The following CCDC60 variants were observed in gnomAD, a reference collection of about 807,000 sequenced individuals.
CCDC60 encodes coiled-coil domain-containing protein 60.
A neutral mutation model predicts 63.5 loss-of-function variants in CCDC60; 54 were observed. The observed-to-expected ratio is 0.85, with a 90% CI of 0.68 to 1.07. CCDC60 has a LOEUF of 1.07. Among genes scored for constraint, CCDC60 ranks in the 50% least tolerant of loss-of-function variants. The probability of loss-of-function intolerance (pLI) is 0.00; values close to 1 mark genes in which losing one functional copy is unlikely to be tolerated. For missense variants in CCDC60, 651 were observed against 684.3 expected, an observed-to-expected ratio of 0.95 and a Z score of 0.54; for synonymous variants, 206 against 238.8, an observed-to-expected ratio of 0.86 and a Z score of 1.27.
intron 2 of CCDC60, among the ~76,000 whole-genome samples, chr12:119,452,483 C>G (rs1950652165): frequency 6.6e-6 from 1 of 152,152 alleles, no homozygotes; most frequent in South Asian, 2.1e-4. Flanking sequence ...AGACTGGGTA[C>G]CTTTGCATTG....
chr12:119,383,256 A>T (rs1956026651), intron 1 of CCDC60, among the ~76,000 whole-genome samples: 1 of 152,194 alleles, frequency 6.6e-6, no homozygotes, highest in Admixed American at 6.5e-5. Context: ...AAATAAAATT[A>T]AAAATATATT....
intron 1 of CCDC60, among the ~76,000 whole-genome samples, chr12:119,377,209 C>T (rs907807223): frequency 1.6e-5 from 2 of 127,780 alleles, no homozygotes; most frequent in African/African-American, 2.9e-5. Context: ...AAGCTGAGAT[C>T]GTGCAACTGC....
intron 2 of CCDC60, among the ~76,000 whole-genome samples, chr12:119,451,721 T>G (rs1255405479): frequency 6.6e-6 from 1 of 152,156 alleles, no homozygotes; most frequent in Middle Eastern, 3.2e-3. Context: ...ACACAGTCAG[T>G]GTCCAATAAA....
At chr12:119,431,558 C>A (rs1950228198) in intron 2 of CCDC60, among the ~76,000 whole-genome samples, 1 of 152,224 alleles carries the variant, frequency 6.6e-6, no homozygotes. Flanking sequence ...AATTTCTAAT[C>A]TTCTGGCTAG....
Position 119,420,125 on chromosome 12 carries a change from C to G in CCDC60, c.91-8558C>G, listed in dbSNP as rs1179156824. On this transcript the variant is annotated intron_variant, in intron 1 of 13. Transcript: ENST00000327554. The surrounding 1 kb of genome is among the most constrained non-coding windows in gnomAD (Gnocchi z 4.1). ...ACTCCTGACCTCGTGATCCACCCGC[C>G]TCGGCCTCCCAAAGTGCTGAGATTA... 6.6e-6 allele frequency among the ~76,000 whole-genome samples: 1 copy of G among 152,064 alleles called. No homozygotes were observed. The highest frequency in any genetic ancestry group is 1.5e-5 in the Non-Finnish European group (1 of 68,014).
At chr12:119,516,550 C>A in intron 7 of CCDC60, 73 bp from the exon 8 acceptor site, 1 of 1,030,218 alleles carries the variant, frequency 9.7e-7, no homozygotes. Context: ...GTTTGGGGGG[C>A]TGCACCCTGT....
rs780276005 is a variant in CCDC60, at chr12:119,530,858, C to G, written c.1362-16C>G. The G allele has an allele frequency of 6.2e-7, 1 of 1,608,198 alleles. No homozygotes were observed. Among genetic ancestry groups the G allele is most frequent in the Middle Eastern group, 1.7e-4 (1 of 6,024 alleles). ...CCAGCAGCTTCCTAACTTGTCCTCT[C>G]CTTTTGGAATTGAAGGTACTTTGAT... On this transcript the variant is annotated splice_polypyrimidine_tract_variant and intron_variant, in intron 12 of 13. Transcript: ENST00000327554.
At chr12:119,409,716 C>T (rs1004246638) in intron 1 of CCDC60, among the ~76,000 whole-genome samples, 17 of 152,116 alleles carry the variant, frequency 1.1e-4, no homozygotes, top group Non-Finnish European at 2.9e-5. Context: ...TCTTCTTGGT[C>T]CTCTGTGTTC....
intron 1 of CCDC60, among the ~76,000 whole-genome samples, chr12:119,423,637 A>C (rs1367611956): frequency 6.6e-6 from 1 of 152,228 alleles, no homozygotes; most frequent in East Asian, 1.9e-4. Flanking sequence ...GCCCTATTCC[A>C]GGGCTTCTGA....
intron 3 of CCDC60, among the ~76,000 whole-genome samples, chr12:119,473,201 G>A (rs544614102): frequency 5.3e-5 from 8 of 152,166 alleles, no homozygotes; most frequent in South Asian, 2.1e-4. Context: ...ACCATTTGGC[G>A]TGGACAAAAT....
At chr12:119,503,952 T>G (rs1399852126) in intron 6 of CCDC60, among the ~76,000 whole-genome samples, 1 of 152,200 alleles carries the variant, frequency 6.6e-6, no homozygotes, top group East Asian at 1.9e-4. Context: ...ATTGTAAATG[T>G]GCTCAGATAA....
intron 2 of CCDC60, among the ~76,000 whole-genome samples, chr12:119,448,205 C>G (rs927628260): frequency 6.6e-6 from 1 of 151,718 alleles, no homozygotes; most frequent in Non-Finnish European, 1.5e-5. Context: ...ACAATGACAG[C>G]TGATGGATAT....
At chr12:119,533,986 T>C (rs1339130720) in intron 13 of CCDC60, among the ~76,000 whole-genome samples, 1 of 152,228 alleles carries the variant, frequency 6.6e-6, no homozygotes. Context: ...GGGGATAGCA[T>C]TGAATCTATA....
chr12:119,373,302 C>T (rs1342891716), intron 1 of CCDC60, among the ~76,000 whole-genome samples: 1 of 152,124 alleles, frequency 6.6e-6, no homozygotes, highest in Non-Finnish European at 1.5e-5. Flanking sequence ...TTTGGTGGTG[C>T]TTAAGAGAAC....
chr12:119,435,995 G>A (rs1827259741), intron 2 of CCDC60, among the ~76,000 whole-genome samples: 1 of 152,142 alleles, frequency 6.6e-6, no homozygotes, highest in African/African-American at 2.4e-5. Flanking sequence ...GGTCAGCTAG[G>A]ACTTGTAGTC....
intron 1 of CCDC60, among the ~76,000 whole-genome samples, chr12:119,342,423 T>C (rs1394275793): frequency 6.6e-6 from 1 of 152,212 alleles, no homozygotes; most frequent in East Asian, 1.9e-4. Context: ...AAGGAAGCGA[T>C]GGTGATATTG....
intron 13 of CCDC60, among the ~76,000 whole-genome samples, chr12:119,534,931 T>C (rs1309054926): frequency 6.6e-6 from 1 of 152,248 alleles, no homozygotes; most frequent in Middle Eastern, 3.2e-3. Context: ...GTTGGCCTCA[T>C]AAAATGAGTT....
chr12:119,424,116 T>C (rs928779212), intron 1 of CCDC60, among the ~76,000 whole-genome samples: 2 of 152,232 alleles, frequency 1.3e-5, no homozygotes, highest in African/African-American at 4.8e-5. Flanking sequence ...ATTTATTGTA[T>C]TTACTTCCAG....
At chr12:119,360,537 G>A (rs1296308215) in intron 1 of CCDC60, among the ~76,000 whole-genome samples, 14 of 149,928 alleles carry the variant, frequency 9.3e-5, no homozygotes, top group Non-Finnish European at 1.8e-4. Flanking sequence ...TTCTCAGACG[G>A]GGCGGCCGGG....
Sources: allele counts gnomAD v4.1 joint callset (sites outside exome capture counted in the v4.1 genomes callset), GRCh38; gene constraint gnomAD v4.1.1; non-coding constraint Gnocchi (gnomAD v3.1); transcripts MANE v1.5; gene names NCBI Gene and HGNC (gene_info 2026-07-23, HGNC 2026-07-21).